Variants in FAM193A observed in about 807,000 individuals in gnomAD.
The protein encoded by FAM193A is family with sequence similarity 193 member A.
FAM193A carries 22 observed loss-of-function variants against 126.5 expected under a neutral mutation model. That is an observed-to-expected ratio of 0.17 (90% CI 0.12 to 0.25). FAM193A has a LOEUF of 0.25. Among genes scored for constraint, FAM193A ranks in the 10% least tolerant of loss-of-function variants. FAM193A has a pLI of 1.00. For synonymous variants in FAM193A, 761 were observed against 646.8 expected (o/e 1.18, Z -2.68); for missense variants, 1,675 against 1,672.8 (o/e 1.00, Z -0.02).
chr4:2,556,948 T>A (rs1302713837), intron 1 of FAM193A, among the ~76,000 whole-genome samples: 3 of 152,158 alleles, frequency 2.0e-5, no homozygotes, highest in African/African-American at 4.8e-5. Flanking sequence ...TAGAATAATT[T>A]TAGATTTACA....
intron 1 of FAM193A, among the ~76,000 whole-genome samples, chr4:2,569,605 C>G (rs1437373663): frequency 6.6e-6 from 1 of 152,072 alleles, no homozygotes; most frequent in Non-Finnish European, 1.5e-5. Flanking sequence ...TCAAGCTATC[C>G]TCCTGCCTCT....
intron 5 of FAM193A, among the ~76,000 whole-genome samples, chr4:2,638,898 G>T (rs1744344965): frequency 6.6e-6 from 1 of 152,186 alleles, no homozygotes; most frequent in South Asian, 2.1e-4. Context: ...CGACTCAGGA[G>T]ACGTGGAGTA....
At chr4:2,687,172 G>A (rs139419943) in intron 13 of FAM193A, among the ~76,000 whole-genome samples, 1 of 152,072 alleles carries the variant, frequency 6.6e-6, no homozygotes, top group African/African-American at 2.4e-5. Flanking sequence ...TCTCTGCTCC[G>A]AAGCACTGTG....
chr4:2,656,082 C>T (rs921455410), intron 7 of FAM193A, among the ~76,000 whole-genome samples: 1 of 152,142 alleles, frequency 6.6e-6, no homozygotes, highest in Non-Finnish European at 1.5e-5. Context: ...CCACTGCATC[C>T]AGCCAGGACT....
chr4:2,710,950 C>T (rs559460287), intron 19 of FAM193A, among the ~76,000 whole-genome samples: 1 of 148,248 alleles, frequency 6.7e-6, no homozygotes, highest in East Asian at 2.0e-4. Context: ...CTCCCGGGTT[C>T]ATGCCATTCT....
intron 13 of FAM193A, among the ~76,000 whole-genome samples, chr4:2,674,331 G>A (rs1441673634): frequency 6.6e-6 from 1 of 152,208 alleles, no homozygotes; most frequent in Non-Finnish European, 1.5e-5. Context: ...TAATGCGTTA[G>A]CAGCCCTGAA....
chr4:2,671,594 T>C (rs1713790036), intron 12 of FAM193A, among the ~76,000 whole-genome samples: 1 of 152,238 alleles, frequency 6.6e-6, no homozygotes, highest in Non-Finnish European at 1.5e-5. Flanking sequence ...CGCGGTATTT[T>C]CCTTGGGCTG....
rs541302438 is a variant in FAM193A, at chr4:2,660,397, C to T, written c.1745+343C>T. Among the ~76,000 whole-genome samples the T allele has an allele frequency of 2.5e-4, 38 of 152,206 alleles. 1 individual carries two copies. The highest frequency in any genetic ancestry group is 2.5e-3 in the Admixed American group (38 of 15,282). On this transcript the variant is annotated intron_variant, in intron 10 of 20. Transcript: ENST00000637812. The stretch of plus-strand genomic sequence containing the variant: ...GTCCTGTCTCCCTGTCAGCCCAGCA[C>T]TCATGCTTGTTTCATGTCTTGCTAA...
intron 19 of FAM193A, chr4:2,715,453 A>C (rs1719438063): frequency 1.0e-6 from 1 of 980,088 alleles, no homozygotes; most frequent in Non-Finnish European, 1.2e-6. Context: ...CATATAAAAA[A>C]AAGAAAAAAG....
rs760640106 is a variant in FAM193A at position 2,695,093 on chromosome 4, C to T, written c.3240C>T (p.Cys1080=). 3.7e-6 allele frequency: 6 copies of T among 1,604,582 alleles called. No individual in the cohort carries two copies. Among genetic ancestry groups the T allele is most frequent in the Admixed American group, 3.4e-5 (2 of 58,580 alleles). Residue 1080 remains cysteine (C), a synonymous_variant, in exon 17 of 21, where the codon TGC becomes TGT. Transcript: ENST00000637812. ...TSTNQKEGKY[C]DCCYCEFFGH... is the part of the protein sequence containing the mutation. Reference sequence around the variant, plus strand: ...CCAACCAGAAGGAGGGCAAGTACTGCGACTGCTGCTACTGCGAATTCTTTG... The same window carrying T: ...CCAACCAGAAGGAGGGCAAGTACTGTGACTGCTGCTACTGCGAATTCTTTG...
At chr4:2,581,107 C>T (rs1005952186) in intron 1 of FAM193A, among the ~76,000 whole-genome samples, 39 of 149,668 alleles carry the variant, frequency 2.6e-4, no homozygotes, top group Non-Finnish European at 4.7e-4. Context: ...CCACCCTGGG[C>T]GATAGAGCAA....
At chr4:2,620,477 A>G (rs1406807873) in intron 2 of FAM193A, among the ~76,000 whole-genome samples, 1 of 152,194 alleles carries the variant, frequency 6.6e-6, no homozygotes, top group Non-Finnish European at 1.5e-5. Context: ...TGGGGTGTTT[A>G]GGTTGATGGG....
chr4:2,701,415 A>G (rs1717720727), intron 19 of FAM193A, among the ~76,000 whole-genome samples: 1 of 151,854 alleles, frequency 6.6e-6, no homozygotes, highest in African/African-American at 2.4e-5. Context: ...ACTTTTTTGA[A>G]GAGTGCAGCG....
chr4:2,603,973 G>C (rs966152569), intron 2 of FAM193A, among the ~76,000 whole-genome samples: 1 of 151,924 alleles, frequency 6.6e-6, no homozygotes, highest in African/African-American at 2.4e-5. Flanking sequence ...CTTCTGAGCA[G>C]CTGGGATTAC....
chr4:2,566,621 G>A (rs1004241171), intron 1 of FAM193A, among the ~76,000 whole-genome samples: 5 of 151,914 alleles, frequency 3.3e-5, no homozygotes, highest in African/African-American at 7.2e-5. Context: ...CCTGGGAGGC[G>A]AGGTTGCAGT....
intron 19 of FAM193A, among the ~76,000 whole-genome samples, chr4:2,715,767 C>T (rs1719472317): frequency 6.6e-6 from 1 of 152,190 alleles, no homozygotes; most frequent in Non-Finnish European, 1.5e-5. Context: ...AGTCTAGGTT[C>T]TGGCAAACAT....
chr4:2,535,933 C>T (rs1423117196), upstream of FAM193A, among the ~76,000 whole-genome samples: 3 of 152,158 alleles, frequency 2.0e-5, no homozygotes, highest in Non-Finnish European at 4.4e-5. Context: ...TGCCTCCGCA[C>T]CCAGGCGGAC....
chr4:2,549,674 G>A (rs577368506), intron 1 of FAM193A, among the ~76,000 whole-genome samples: 61 of 152,052 alleles, frequency 4.0e-4, no homozygotes, highest in Non-Finnish European at 7.5e-4. Context: ...GGGATTACAG[G>A]CGTGAGCCAC....
At chr4:2,558,739 G>A (rs1406294606) in intron 1 of FAM193A, among the ~76,000 whole-genome samples, 3 of 152,164 alleles carry the variant, frequency 2.0e-5, no homozygotes, top group East Asian at 3.8e-4. Context: ...AGTGGCTCAC[G>A]CCTGTAATCC....
Sources: gnomAD v4.1 joint callset for allele counts (sites outside exome capture counted in the v4.1 genomes callset) on GRCh38, gnomAD v4.1.1 for gene constraint, MANE v1.5 for transcripts, NCBI Gene and HGNC (gene_info 2026-07-23, HGNC 2026-07-21) for gene names.